MYCBP2: variants seen among roughly 807,000 people sequenced by gnomAD.
MYCBP2 encodes the protein MYC binding protein 2, also known as E3 ubiquitin-protein ligase MYCBP2.
MYCBP2 carries 120 observed loss-of-function variants against 525.3 expected under a neutral mutation model. The observed-to-expected ratio is 0.23, with a 90% CI of 0.20 to 0.27. The LOEUF is 0.27. MYCBP2 is among the 10% of genes least tolerant of loss of function. MYCBP2 has a pLI of 1.00. For missense variants in MYCBP2, 4,149 were observed against 5,657.1 expected (o/e 0.73, Z 8.55); for synonymous variants, 1,894 against 1,955.8 (o/e 0.97, Z 0.83).
At chr13:77,139,817 T>A (rs1368885822) in intron 51 of MYCBP2, among the ~76,000 whole-genome samples, 1 of 152,232 alleles carries the variant, frequency 6.6e-6, no homozygotes, top group Non-Finnish European at 1.5e-5. Flanking sequence ...CTGAATACTA[T>A]GTCGAACATT....
chr13:77,187,990 G>C (rs1162979297), intron 30 of MYCBP2, among the ~76,000 whole-genome samples: 2 of 149,182 alleles, frequency 1.3e-5, no homozygotes. Flanking sequence ...AGAATTGCTT[G>C]AACTCAGGAC....
chr13:77,300,782 G>T (rs1019685445), intron 1 of MYCBP2, among the ~76,000 whole-genome samples: 5 of 152,160 alleles, frequency 3.3e-5, no homozygotes, highest in African/African-American at 1.2e-4. Context: ...AGGCCAATGC[G>T]CCTGCTTCAA....
intron 40 of MYCBP2, among the ~76,000 whole-genome samples, chr13:77,167,115 G>A (rs2058639985): frequency 6.6e-6 from 1 of 152,044 alleles, no homozygotes; most frequent in African/African-American, 2.4e-5. Context: ...AGACTGAGGT[G>A]TGTCTGTGGT....
At chr13:77,228,297 G>A (rs1335569584) in intron 18 of MYCBP2, among the ~76,000 whole-genome samples, 1 of 152,014 alleles carries the variant, frequency 6.6e-6, no homozygotes, top group Non-Finnish European at 1.5e-5. Context: ...CTTGAGCCTA[G>A]GAGCTCAAGA....
intron 23 of MYCBP2, among the ~76,000 whole-genome samples, chr13:77,207,522 T>A (rs2063488976): frequency 6.6e-6 from 1 of 152,168 alleles, no homozygotes; most frequent in African/African-American, 2.4e-5. Context: ...GTTCTGATGA[T>A]CTATTTCACA....
At chr13:77,207,357 C>T (rs1020567737) in intron 23 of MYCBP2, among the ~76,000 whole-genome samples, 1 of 152,102 alleles carries the variant, frequency 6.6e-6, no homozygotes, top group African/African-American at 2.4e-5. Context: ...TATTAGGAAC[C>T]CACAACGTCT....
At position 77,185,089 on chromosome 13, in the gene MYCBP2, C is replaced by A. The variant is rs755645383; in HGVS notation, c.4719+14G>T. 6.9e-6 allele frequency: 11 copies of A among 1,605,142 alleles called. No homozygotes were observed. The South Asian group carries it at 1.2e-4, about 18-fold the overall frequency. On this transcript the variant is annotated intron_variant, in intron 32 of 82. Transcript: ENST00000544440. ...TATCAGATTTTCAACTAACATTTTA[C>A]AAACTTAAATTACCTGATCCAAACA...
At chr13:77,154,654 G>T (rs887454453) in intron 46 of MYCBP2, among the ~76,000 whole-genome samples, 4 of 151,962 alleles carry the variant, frequency 2.6e-5, no homozygotes, top group Non-Finnish European at 1.5e-5. Context: ...AATCTTGAGG[G>T]TTCAAAGATT....
At chr13:77,226,078 G>C (rs2066225347) in intron 18 of MYCBP2, among the ~76,000 whole-genome samples, 1 of 152,078 alleles carries the variant, frequency 6.6e-6, no homozygotes, top group South Asian at 2.1e-4. Flanking sequence ...AATGTATAAA[G>C]ACCAAAGAGC....
At chr13:77,201,164 C>T (rs1189488712) in intron 26 of MYCBP2, among the ~76,000 whole-genome samples, 5 of 151,610 alleles carry the variant, frequency 3.3e-5, no homozygotes, top group Admixed American at 2.0e-4. Flanking sequence ...CGTGCAGAGA[C>T]GCATATAGGC....
At chr13:77,314,359 C>T (rs1297075054) in intron 1 of MYCBP2, among the ~76,000 whole-genome samples, 1 of 152,134 alleles carries the variant, frequency 6.6e-6, no homozygotes, top group East Asian at 1.9e-4. Flanking sequence ...TGGAAGCAAC[C>T]CAATTGTCCT....
Position 77,087,647 on chromosome 13 carries a change from G to A in MYCBP2, c.10726-14C>T, listed in dbSNP as rs376981551. ...CCAGTTGAAAGCCTGAAGAAATGAC[G>A]GTTAAATGAGTTCAAGAATAAAATA... On this transcript the variant is annotated splice_polypyrimidine_tract_variant and intron_variant, in intron 61 of 82. Transcript: ENST00000544440. 141 of 1,601,674 alleles carry A rather than the reference G, an allele frequency of 8.8e-5. No homozygotes were observed. The highest frequency in any genetic ancestry group is 2.6e-4 in the Admixed American group (15 of 58,254).
intron 34 of MYCBP2, among the ~76,000 whole-genome samples, chr13:77,178,618 T>C (rs2059936498): frequency 6.6e-6 from 1 of 152,256 alleles, no homozygotes; most frequent in Non-Finnish European, 1.5e-5. Context: ...ATCGCTCTTT[T>C]TATTTACAAA....
chr13:77,052,997 G>C (rs2037145923), intron 80 of MYCBP2, among the ~76,000 whole-genome samples: 1 of 152,058 alleles, frequency 6.6e-6, no homozygotes, highest in South Asian at 2.1e-4. Context: ...AATTAGCCAG[G>C]CGTGGTGGTG....
At chr13:77,252,623 C>T (rs944620423) in intron 14 of MYCBP2, among the ~76,000 whole-genome samples, 1 of 152,118 alleles carries the variant, frequency 6.6e-6, no homozygotes, top group Non-Finnish European at 1.5e-5. Flanking sequence ...ATCTTATTCT[C>T]TCACACCTAT....
At chr13:77,258,888 A>G (rs560210539) in intron 13 of MYCBP2, among the ~76,000 whole-genome samples, 1 of 152,346 alleles carries the variant, frequency 6.6e-6, no homozygotes, top group East Asian at 1.9e-4. Flanking sequence ...AAAAAAACAA[A>G]AAGAAAACTC....
At chr13:77,252,501 G>A (rs1250235335) in intron 14 of MYCBP2, among the ~76,000 whole-genome samples, 1 of 152,148 alleles carries the variant, frequency 6.6e-6, no homozygotes, top group Non-Finnish European at 1.5e-5. Flanking sequence ...AAGACCCTAT[G>A]ACAGGAGAAC....
chr13:77,303,938 T>C (rs1056173406), intron 1 of MYCBP2, among the ~76,000 whole-genome samples: 42 of 152,122 alleles, frequency 2.8e-4, no homozygotes, highest in Non-Finnish European at 1.5e-5. Context: ...GAGCCAAAAA[T>C]TGGTTCTCTG....
intron 26 of MYCBP2, among the ~76,000 whole-genome samples, chr13:77,196,324 T>C (rs1247226267): frequency 6.6e-6 from 1 of 152,130 alleles, no homozygotes; most frequent in African/African-American, 2.4e-5. Flanking sequence ...TCTAAGGCTT[T>C]TGGTTCTCAT....
Sources: allele counts gnomAD v4.1 joint callset (sites outside exome capture counted in the v4.1 genomes callset), GRCh38; gene constraint gnomAD v4.1.1; transcripts MANE v1.5; gene names NCBI Gene and HGNC (gene_info 2026-07-23, HGNC 2026-07-21).